The following PRKCA variants were observed in gnomAD, a reference collection of about 807,000 sequenced individuals.
PRKCA encodes the protein protein kinase C alpha type.
Under a neutral mutation model 87.0 loss-of-function variants are expected in PRKCA, and 27 were observed. The ratio of observed to expected loss-of-function variants is 0.31; its 90% CI spans 0.23 to 0.43. PRKCA has a LOEUF of 0.43. Among genes scored for constraint, PRKCA ranks in the 20% least tolerant of loss-of-function variants. PRKCA has a pLI of 1.00. For synonymous variants in PRKCA, 329 were observed against 311.1 expected, an observed-to-expected ratio of 1.06 and a Z score of -0.61; for missense variants, 518 against 852.3, an observed-to-expected ratio of 0.61 and a Z score of 4.88.
Position 66,689,591 on chromosome 17 carries a change from C to T in PRKCA, c.918+544C>T, listed in dbSNP as rs1260003202. On this transcript the variant is annotated intron_variant, in intron 8 of 16. Transcript: ENST00000413366. The surrounding 1 kb of genome is among the most constrained non-coding windows in gnomAD (Gnocchi z 4.1). Reference sequence around the variant, plus strand: ...CAAAGGCCACCTCCTTCTCTTCTTCCTCTTGGTATTTGTGTTTGCCTCTGT... The same window carrying T: ...CAAAGGCCACCTCCTTCTCTTCTTCTTCTTGGTATTTGTGTTTGCCTCTGT... Among the ~76,000 whole-genome samples the T allele has an allele frequency of 1.3e-5, 2 of 152,084 alleles. No individual in the cohort carries two copies. The highest frequency in any genetic ancestry group is 2.9e-5 in the Non-Finnish European group (2 of 68,010).
chr17:66,479,177 A>G (rs929273758), intron 2 of PRKCA, among the ~76,000 whole-genome samples: 1 of 152,182 alleles, frequency 6.6e-6, no homozygotes, highest in Non-Finnish European at 1.5e-5. Flanking sequence ...ACAAGAAAAA[A>G]ACAACCCCCC....
chr17:66,798,392 G>GTGGTGGTGGTGA (rs1975723390), intron 16 of PRKCA, among the ~76,000 whole-genome samples: 2 of 117,196 alleles, frequency 1.7e-5, no homozygotes, highest in East Asian at 5.1e-4. Context: ...GGTGGTGGTG[G>GTGGTGGTGGTGA]TGGTGGTGGT....
rs574836483 is a variant in PRKCA at position 66,803,783 on chromosome 17, C to T, written c.1855-90C>T. On this transcript the variant is annotated intron_variant, in intron 16 of 16. Transcript: ENST00000413366. This position sits in a 1 kb window ranked among gnomAD's most constrained non-coding sequence, Gnocchi z 4.4. ...CTAACCAGCCCGGAGTTCCCCAGGG[C>T]CGTGCCCCTCCCCAGAGAGGGCCCT... 6.9e-5 allele frequency: 106 copies of T among 1,542,944 alleles called. No individual in the cohort carries two copies. In the African/African-American group the frequency reaches 1.4e-3, roughly 20 times the overall value.
chr17:66,488,256 G>A (rs541953510), intron 2 of PRKCA, among the ~76,000 whole-genome samples: 1 of 152,172 alleles, frequency 6.6e-6, no homozygotes, highest in Admixed American at 6.5e-5. Flanking sequence ...ATAAAAGCGT[G>A]TATGATATGA....
intron 2 of PRKCA, among the ~76,000 whole-genome samples, chr17:66,483,226 G>A (rs72838301): frequency 0.15 from 22,625 of 152,084 alleles, 1,964 homozygotes; most frequent in East Asian, 0.28. Context: ...CTTAAACAAC[G>A]AAAGTGTGTT....
chr17:66,437,731 T>TTTTTTTTTTTTTTTTG (rs55779501), intron 2 of PRKCA, among the ~76,000 whole-genome samples: 3 of 11,142 alleles, frequency 2.7e-4, no homozygotes, highest in Non-Finnish European at 4.9e-4. Flanking sequence ...TTTTTTTTTT[T>TTTTTTTTTTTTTTTTG]GAGCGGGGGG....
rs559200747 is a variant in PRKCA, at chr17:66,513,009, A to G, written c.288+16726A>G. On this transcript the variant is annotated intron_variant, in intron 3 of 16. Transcript: ENST00000413366. ...CACCTGGTCCCCCTCATTATTTTCT[A>G]TTACTTTATGCACTTCAAACCCCCT... Among the ~76,000 whole-genome samples the G allele has an allele frequency of 2.0e-5, 3 of 152,224 alleles. No individual in the cohort carries two copies. The South Asian group carries it at 6.2e-4, about 32-fold the overall frequency.
In PRKCA at chr17:66,626,199, TTTC is replaced by T. The variant is rs1391155582; in HGVS notation, c.289-15153_289-15151del. Among the ~76,000 whole-genome samples, 727 of 149,802 alleles carry T rather than the reference TTTC, an allele frequency of 4.9e-3. 9 individuals are homozygous for T. The highest frequency in any genetic ancestry group is 0.015 in the African/African-American group (603 of 39,562). On this transcript the variant is annotated intron_variant, in intron 3 of 16. Transcript: ENST00000413366. Reference sequence around the variant, plus strand: ...TTTTCTTTTGTCTTCCTCTTTTTCTTTTCTTTTTTTTTTTTGAGACAGAGTCTC... The same window carrying T: ...TTTTCTTTTGTCTTCCTCTTTTTCTTTTTTTTTTTTTTGAGACAGAGTCTC...
chr17:66,533,156 G>A (rs755651295), intron 3 of PRKCA, among the ~76,000 whole-genome samples: 1 of 152,204 alleles, frequency 6.6e-6, no homozygotes, highest in Admixed American at 6.5e-5. Flanking sequence ...CTCTCACCAA[G>A]TGATACTTAA....
At chr17:66,457,782 C>T (rs1914636033) in intron 2 of PRKCA, among the ~76,000 whole-genome samples, 1 of 152,132 alleles carries the variant, frequency 6.6e-6, no homozygotes, top group Non-Finnish European at 1.5e-5. Flanking sequence ...CCTGAGGCCT[C>T]CTCAGCCCTG....
chr17:66,451,182 G>A lies in PRKCA; in HGVS notation c.206-45019G>A, dbSNP rs370668469. 1.7e-4 allele frequency among the ~76,000 whole-genome samples: 26 copies of A among 152,204 alleles called. No individual in the cohort carries two copies. In the East Asian group the frequency reaches 1.7e-3, roughly 10 times the overall value. On this transcript the variant is annotated intron_variant, in intron 2 of 16. Transcript: ENST00000413366. Reference sequence around the variant, plus strand: ...AGACATTGCTATTCATCTTAGAAGGGAACAAAGTATCCATGCTGGTCTAGT... The same window carrying A: ...AGACATTGCTATTCATCTTAGAAGGAAACAAAGTATCCATGCTGGTCTAGT...
intron 2 of PRKCA, among the ~76,000 whole-genome samples, chr17:66,313,044 T>A (rs1044946098): frequency 1.3e-5 from 2 of 152,160 alleles, no homozygotes; most frequent in Admixed American, 6.5e-5. Context: ...CCACCCTTCC[T>A]ATCATAGGAC....
intron 5 of PRKCA, among the ~76,000 whole-genome samples, chr17:66,672,292 A>G (rs763784176): frequency 2.0e-5 from 3 of 152,200 alleles, no homozygotes; most frequent in Admixed American, 1.3e-4. Context: ...CTTCTAGAAA[A>G]CTTGAATAAG....
intron 2 of PRKCA, among the ~76,000 whole-genome samples, chr17:66,463,346 G>C (rs900464613): frequency 1.3e-5 from 2 of 151,246 alleles, no homozygotes; most frequent in African/African-American, 4.8e-5. Flanking sequence ...CCAGGAATTT[G>C]ATTTTGTATG....
At chr17:66,624,904 A>C (rs1372747731) in intron 3 of PRKCA, among the ~76,000 whole-genome samples, 1 of 152,180 alleles carries the variant, frequency 6.6e-6, no homozygotes, top group Non-Finnish European at 1.5e-5. Context: ...ATTCATTAGG[A>C]GTCACCACAT....
At chr17:66,525,566 G>A (rs1043717123) in intron 3 of PRKCA, among the ~76,000 whole-genome samples, 8 of 152,184 alleles carry the variant, frequency 5.3e-5, no homozygotes, top group Non-Finnish European at 1.2e-4. Context: ...TTAGTGAAGG[G>A]TGGAAGATCG....
chr17:66,756,773 G>T (rs9893590), intron 13 of PRKCA, among the ~76,000 whole-genome samples: 54,246 of 151,770 alleles, frequency 0.36, 9,975 homozygotes, highest in East Asian at 0.61. Context: ...GCGAGTCTCC[G>T]GCCTCAGCTT....
At chr17:66,695,881 G>A (rs1157409902) in intron 8 of PRKCA, among the ~76,000 whole-genome samples, 1 of 152,146 alleles carries the variant, frequency 6.6e-6, no homozygotes, top group Non-Finnish European at 1.5e-5. Flanking sequence ...TTGAGTATCA[G>A]GACCCAAGAA....
intron 3 of PRKCA, among the ~76,000 whole-genome samples, chr17:66,535,532 C>A (rs941663776): frequency 5.3e-5 from 8 of 152,176 alleles, no homozygotes; most frequent in Admixed American, 4.6e-4. Flanking sequence ...TGGGTGTCCC[C>A]ATCAGCTCTG....
Sources: allele counts gnomAD v4.1 joint callset (sites outside exome capture counted in the v4.1 genomes callset), GRCh38; gene constraint gnomAD v4.1.1; non-coding constraint Gnocchi (gnomAD v3.1); transcripts MANE v1.5; gene names NCBI Gene and HGNC (gene_info 2026-07-23, HGNC 2026-07-21).